Variants in GRIN3A observed in about 807,000 individuals in gnomAD.
GRIN3A encodes glutamate ionotropic receptor NMDA type subunit 3A.
In GRIN3A, 47 loss-of-function variants were observed where a neutral mutation model predicts 92.4. That is an observed-to-expected ratio of 0.51 (90% CI 0.40 to 0.65). The LOEUF (loss-of-function observed/expected upper bound fraction) is 0.65, where lower values mean the gene tolerates loss of function less well. GRIN3A is among the 30% of genes least tolerant of loss of function. The probability of loss-of-function intolerance (pLI) is 0.00; values close to 1 mark genes in which losing one functional copy is unlikely to be tolerated. For missense variants in GRIN3A, 1,324 were observed against 1,393.1 expected (o/e 0.95, Z 0.79); for synonymous variants, 527 against 540.6 (o/e 0.97, Z 0.35).
chr9:101,736,216 C>A (rs1830204239), intron 1 of GRIN3A, among the ~76,000 whole-genome samples: 1 of 152,186 alleles, frequency 6.6e-6, no homozygotes, highest in Non-Finnish European at 1.5e-5. Flanking sequence ...CAATGTTGAT[C>A]AAGTCCCCAG....
intron 1 of GRIN3A, among the ~76,000 whole-genome samples, chr9:101,719,456 A>G (rs1588296719): frequency 6.6e-6 from 1 of 150,466 alleles, no homozygotes; most frequent in Non-Finnish European, 1.5e-5. Context: ...ATGGGTTAGG[A>G]GGCCATTTAA....
In GRIN3A at chr9:101,725,950, C is replaced by T. The variant is rs1004025994; in HGVS notation, c.699+11331G>A. ...TTCTGCTGTATTTTTCTCCATTGCA[C>T]TTGTCTCTGTCTAATAATAATATAT... On this transcript the variant is annotated intron_variant, in intron 1 of 8. Coordinates refer to ENST00000361820, the MANE Select transcript of GRIN3A (RefSeq NM_133445.3). Among the ~76,000 whole-genome samples the T allele has an allele frequency of 2.6e-5, 4 of 152,162 alleles. 1 individual carries two copies. The highest frequency in any genetic ancestry group is 9.7e-5 in the African/African-American group (4 of 41,444).
Position 101,737,638 on chromosome 9 carries a change from C to T in GRIN3A, c.342G>A (p.Gly114=), listed in dbSNP as rs1246302664. The change falls in exon 1 of 9, where the codon GGG becomes GGA. Residue 114 remains glycine, a synonymous_variant. Coordinates refer to ENST00000361820, the MANE Select transcript of GRIN3A (RefSeq NM_133445.3). ...ACAGGGCCTCCGCCCTGGCGCCCTC[C>T]CCGGGCTTACGGGAGCCCGGCGGCC... ...GRGPPGSRKP[G]EGARAEALWP... is the part of the protein sequence containing the mutation. 1.9e-6 allele frequency: 3 copies of T among 1,610,720 alleles called. No homozygotes were observed. The highest frequency in any genetic ancestry group is 2.2e-5 in the East Asian group (1 of 44,780).
intron 7 of GRIN3A, 149 bp from the exon 8 acceptor site, chr9:101,577,993 C>A: frequency 1.5e-6 from 1 of 652,854 alleles, no homozygotes. Flanking sequence ...AATAGATCAA[C>A]ATTCAGCCTC....
At chr9:101,596,387 C>T (rs1828133475) in intron 6 of GRIN3A, among the ~76,000 whole-genome samples, 2 of 152,088 alleles carry the variant, frequency 1.3e-5, no homozygotes, top group South Asian at 4.1e-4. Context: ...TTCAGTTATT[C>T]AGAGAAATGA....
At chr9:101,593,638 G>A (rs1169397377) in intron 6 of GRIN3A, 1 of 152,290 alleles carries the variant, frequency 6.6e-6, no homozygotes, top group African/African-American at 2.4e-5. Context: ...TTAGCTGGAG[G>A]TCCCCTTCAT....
intron 6 of GRIN3A, among the ~76,000 whole-genome samples, chr9:101,606,196 C>A (rs1419565873): frequency 2.0e-5 from 3 of 152,174 alleles, no homozygotes; most frequent in Non-Finnish European, 2.9e-5. Flanking sequence ...TGTGGCTGAC[C>A]CCATCCCACA....
chr9:101,671,452 T>C (rs1829323528), intron 2 of GRIN3A, among the ~76,000 whole-genome samples: 1 of 152,210 alleles, frequency 6.6e-6, no homozygotes, highest in Non-Finnish European at 1.5e-5. Context: ...CTTTTCAAGC[T>C]ATGGAGGTTT....
At chr9:101,638,439 T>G (rs1468221992) in intron 3 of GRIN3A, among the ~76,000 whole-genome samples, 1 of 152,254 alleles carries the variant, frequency 6.6e-6, no homozygotes, top group Non-Finnish European at 1.5e-5. Flanking sequence ...TTTAGTTCAC[T>G]GAGGCTCTTC....
intron 6 of GRIN3A, chr9:101,594,317 A>T: frequency 6.9e-7 from 1 of 1,454,856 alleles, no homozygotes; most frequent in Non-Finnish European, 9.3e-7. Flanking sequence ...ACTTCCAGAT[A>T]AGTCAGAGAG....
chr9:101,649,299 C>T (rs76779324), intron 3 of GRIN3A, among the ~76,000 whole-genome samples: 13,419 of 151,984 alleles, frequency 0.088, 857 homozygotes, highest in East Asian at 0.22. Flanking sequence ...CCCTGCAGCA[C>T]GGTAGCATCA....
intron 1 of GRIN3A, among the ~76,000 whole-genome samples, chr9:101,736,852 G>T (rs1219461961): frequency 6.6e-6 from 1 of 152,108 alleles, no homozygotes; most frequent in African/African-American, 2.4e-5. Context: ...TGTCAGAGTT[G>T]CTCTTGGGAG....
intron 3 of GRIN3A, among the ~76,000 whole-genome samples, chr9:101,637,356 G>A (rs1828798525): frequency 6.6e-6 from 1 of 152,124 alleles, no homozygotes; most frequent in South Asian, 2.1e-4. Flanking sequence ...GCTTCCCAAA[G>A]CACTGGACAT....
chr9:101,642,114 G>A (rs1828873987), intron 3 of GRIN3A, among the ~76,000 whole-genome samples: 1 of 152,036 alleles, frequency 6.6e-6, no homozygotes, highest in African/African-American at 2.4e-5. Flanking sequence ...GTATGGTATT[G>A]GCATAAAAAC....
At chr9:101,622,914 G>A (rs1032526594) in intron 5 of GRIN3A, among the ~76,000 whole-genome samples, 2 of 151,890 alleles carry the variant, frequency 1.3e-5, no homozygotes, top group Non-Finnish European at 2.9e-5. Flanking sequence ...AATTTTGGAA[G>A]GCTGAGGCAG....
chr9:101,693,121 TG>T (rs1829640686), intron 1 of GRIN3A, among the ~76,000 whole-genome samples: 2 of 151,908 alleles, frequency 1.3e-5, no homozygotes, highest in South Asian at 4.2e-4. Context: ...AAATAGAGCT[TG>T]GGCCAGGTGT....
At chr9:101,723,416 C>A (rs1226679380) in intron 1 of GRIN3A, among the ~76,000 whole-genome samples, 1 of 152,104 alleles carries the variant, frequency 6.6e-6, no homozygotes, top group Non-Finnish European at 1.5e-5. Context: ...AGCTGCAGAC[C>A]TTCGTGGTGA....
chr9:101,592,610 G>A (rs558889526), intron 6 of GRIN3A: 3 of 152,288 alleles, frequency 2.0e-5, no homozygotes, highest in South Asian at 2.1e-4. Flanking sequence ...GGTTGGGAGC[G>A]TTTATCACAG....
intron 3 of GRIN3A, among the ~76,000 whole-genome samples, chr9:101,651,830 C>G (rs1287947021): frequency 6.6e-6 from 1 of 151,948 alleles, no homozygotes; most frequent in African/African-American, 2.4e-5. Flanking sequence ...AGATATATAT[C>G]AAAGCATAAA....
Sources: gnomAD v4.1 joint callset for allele counts (sites outside exome capture counted in the v4.1 genomes callset) on GRCh38, gnomAD v4.1.1 for gene constraint, MANE v1.5 for transcripts, NCBI Gene and HGNC (gene_info 2026-07-23, HGNC 2026-07-21) for gene names.